MARCHF1: variants seen among roughly 807,000 people sequenced by gnomAD.
The protein encoded by MARCHF1 is E3 ubiquitin-protein ligase MARCHF1.
MARCHF1 carries 40 observed loss-of-function variants against 54.2 expected under a neutral mutation model. That is an observed-to-expected ratio of 0.74 (90% CI 0.57 to 0.96). The LOEUF is 0.96. MARCHF1 is among the 40% of genes least tolerant of loss of function. The pLI, the probability that MARCHF1 is intolerant of heterozygous loss-of-function variation, is 0.00. For synonymous variants in MARCHF1, 236 were observed against 236.3 expected (o/e 1.00, Z 0.01); for missense variants, 586 against 656.5 (o/e 0.89, Z 1.17).
At position 164,242,125 on chromosome 4, in the gene MARCHF1, C is replaced by A. The variant is rs553882806; in HGVS notation, c.-322-130463G>T. Among the ~76,000 whole-genome samples, 442 of 151,954 alleles carry A rather than the reference C, an allele frequency of 2.9e-3. 2 individuals carry two copies. Among genetic ancestry groups the A allele is most frequent in the African/African-American group, 1.0e-2 (413 of 41,438 alleles). Reference sequence around the variant, plus strand: ...GAAGCTCGAACTGGGTGGAGCCCACCACAGCTCAAGGAGGCCTGCCTGCCT... The same window carrying A: ...GAAGCTCGAACTGGGTGGAGCCCACAACAGCTCAAGGAGGCCTGCCTGCCT... On this transcript the variant is annotated intron_variant, in intron 1 of 9. Transcript: ENST00000514618.
chr4:163,637,400 G>GA (rs1012717484), intron 5 of MARCHF1, among the ~76,000 whole-genome samples: 1 of 151,602 alleles, frequency 6.6e-6, no homozygotes, highest in South Asian at 2.1e-4. Context: ...AAATTTACAA[G>GA]AAAAAAACAA....
intron 1 of MARCHF1, among the ~76,000 whole-genome samples, chr4:164,264,931 A>C (rs1430446878): frequency 1.4e-5 from 2 of 147,866 alleles, no homozygotes; most frequent in Admixed American, 6.7e-5. Flanking sequence ...AAAAAAAAAA[A>C]CAAAAAAAAC....
At chr4:164,244,103 G>A (rs1490758631) in intron 1 of MARCHF1, among the ~76,000 whole-genome samples, 6 of 151,836 alleles carry the variant, frequency 4.0e-5, no homozygotes, top group Admixed American at 1.3e-4. Context: ...TGCACCAAGC[G>A]GACCTGATAG....
chr4:164,128,901 C>G (rs1756242953), intron 1 of MARCHF1, among the ~76,000 whole-genome samples: 1 of 152,144 alleles, frequency 6.6e-6, no homozygotes, highest in Non-Finnish European at 1.5e-5. Flanking sequence ...CCTACTAAGC[C>G]AACACCCCAA....
intron 5 of MARCHF1, among the ~76,000 whole-genome samples, chr4:163,654,707 TTCTA>T (rs1743080252): frequency 6.6e-6 from 1 of 151,722 alleles, no homozygotes; most frequent in African/African-American, 2.4e-5. Flanking sequence ...TATTTATTTC[TTCTA>T]TCTATTTACT....
At chr4:164,305,894 T>C (rs913664642) in intron 1 of MARCHF1, among the ~76,000 whole-genome samples, 4 of 152,154 alleles carry the variant, frequency 2.6e-5, no homozygotes, top group African/African-American at 9.6e-5. Flanking sequence ...AAAATTATTA[T>C]ATGTCAACTA....
rs116242313 is a variant in MARCHF1 at position 164,159,724 on chromosome 4, A to G, written c.-322-48062T>C. On this transcript the variant is annotated intron_variant, in intron 1 of 9. Transcript: ENST00000514618. ...GCTATAAAGGAAATATTTATGAAGC[A>G]TTTCTGGGGAAAGTTATCAGCGATG... Among the ~76,000 whole-genome samples, 531 of 152,298 alleles carry G rather than the reference A, an allele frequency of 3.5e-3. 2 individuals carry two copies. The highest frequency in any genetic ancestry group is 0.014 in the Middle Eastern group (4 of 294).
At chr4:163,553,324 T>C (rs1415497369) in intron 8 of MARCHF1, among the ~76,000 whole-genome samples, 1 of 152,186 alleles carries the variant, frequency 6.6e-6, no homozygotes, top group African/African-American at 2.4e-5. Context: ...GTTCTTACTG[T>C]CTAGATTAAT....
intron 1 of MARCHF1, among the ~76,000 whole-genome samples, chr4:164,179,044 G>A (rs1162038654): frequency 6.6e-6 from 1 of 152,092 alleles, no homozygotes; most frequent in Non-Finnish European, 1.5e-5. Flanking sequence ...CCCTGTGTTG[G>A]CGGGCAGTGT....
At chr4:163,647,724 C>G (rs1216679179) in intron 5 of MARCHF1, among the ~76,000 whole-genome samples, 1 of 151,334 alleles carries the variant, frequency 6.6e-6, no homozygotes, top group Non-Finnish European at 1.5e-5. Context: ...AAAATAGAAA[C>G]ACAACATACA....
intron 4 of MARCHF1, among the ~76,000 whole-genome samples, chr4:163,719,980 C>T (rs1244815330): frequency 6.6e-6 from 1 of 152,144 alleles, no homozygotes; most frequent in Non-Finnish European, 1.5e-5. Context: ...TGTAGGTTGC[C>T]TGTTCACTCT....
At chr4:163,930,013 T>C (rs1178418604) in intron 3 of MARCHF1, among the ~76,000 whole-genome samples, 218 of 135,272 alleles carry the variant, frequency 1.6e-3, no homozygotes, top group Non-Finnish European at 3.2e-3. Flanking sequence ...TATAAATATA[T>C]TATATATACT....
At chr4:163,586,974 T>TA (rs200689735) in intron 7 of MARCHF1, among the ~76,000 whole-genome samples, 2,199 of 152,158 alleles carry the variant, frequency 0.014, 61 homozygotes, top group African/African-American at 0.05. Flanking sequence ...CATCATTGTC[T>TA]AAAAAAAATC....
At chr4:163,770,506 C>T (rs1443493208) in intron 4 of MARCHF1, among the ~76,000 whole-genome samples, 1 of 150,296 alleles carries the variant, frequency 6.7e-6, no homozygotes, top group Non-Finnish European at 1.5e-5. Flanking sequence ...TGTTAGAATA[C>T]ATTTTCCCTC....
rs187346293 is a variant in MARCHF1 at position 163,638,351 on chromosome 4, C to T, written c.163-24958G>A. 3.7e-3 allele frequency among the ~76,000 whole-genome samples: 565 copies of T among 151,976 alleles called. 1 individual carries two copies. Among genetic ancestry groups the T allele is most frequent in the African/African-American group, 0.013 (527 of 41,448 alleles). On this transcript the variant is annotated intron_variant, in intron 5 of 9. Transcript: ENST00000514618. ...GGATTCCTCATGAATGGCTTAGTCC[C>T]ATCGTCTTGGTGATGAGTGAGTTCA...
At chr4:163,561,285 A>G (rs183558077) in intron 8 of MARCHF1, among the ~76,000 whole-genome samples, 106 of 152,274 alleles carry the variant, frequency 7.0e-4, no homozygotes, top group Non-Finnish European at 1.4e-3. Flanking sequence ...TCAAAGTCAT[A>G]CAAATTTTTT....
intron 3 of MARCHF1, among the ~76,000 whole-genome samples, chr4:163,907,149 C>T (rs537493832): frequency 6.6e-6 from 1 of 152,082 alleles, no homozygotes; most frequent in East Asian, 1.9e-4. Flanking sequence ...ATTTTATGCT[C>T]AATCACATTA....
intron 3 of MARCHF1, among the ~76,000 whole-genome samples, chr4:163,881,752 C>T (rs915535364): frequency 5.3e-5 from 8 of 150,270 alleles, no homozygotes; most frequent in African/African-American, 1.7e-4. Flanking sequence ...CAGAAACATA[C>T]CCTATGAACT....
At chr4:163,742,607 G>A (rs1394773345) in intron 4 of MARCHF1, among the ~76,000 whole-genome samples, 1 of 151,828 alleles carries the variant, frequency 6.6e-6, no homozygotes, top group Non-Finnish European at 1.5e-5. Context: ...CTCCTGAGTA[G>A]CTTGGACCAC....
Sources: gnomAD v4.1 joint callset for allele counts (sites outside exome capture counted in the v4.1 genomes callset) on GRCh38, gnomAD v4.1.1 for gene constraint, MANE v1.5 for transcripts, NCBI Gene and HGNC (gene_info 2026-07-23, HGNC 2026-07-21) for gene names.